The following CNIH3 variants were observed in gnomAD, a reference collection of about 807,000 sequenced individuals.
The protein encoded by CNIH3 is cornichon family AMPA receptor auxiliary protein 3.
CNIH3 carries 14 observed loss-of-function variants against 24.1 expected under a neutral mutation model. The ratio of observed to expected loss-of-function variants is 0.58; its 90% CI spans 0.38 to 0.91. The LOEUF (loss-of-function observed/expected upper bound fraction) is 0.91. Ranked by LOEUF, CNIH3 falls within the 40% of genes least tolerant of loss-of-function variation. CNIH3 has a pLI of 0.00. For synonymous variants in CNIH3, 68 were observed against 73.8 expected (o/e 0.92, Z 0.40); for missense variants, 178 against 196.8 (o/e 0.90, Z 0.57).
chr1:224,487,894 C>G (rs1330294597), intron 1 of CNIH3, among the ~76,000 whole-genome samples: 1 of 152,026 alleles, frequency 6.6e-6, no homozygotes, highest in African/African-American at 2.4e-5. Context: ...CTTTAAAAAC[C>G]CTTTCCTTCT....
chr1:224,660,328 C>G (rs563578878), intron 1 of CNIH3, among the ~76,000 whole-genome samples: 1 of 152,218 alleles, frequency 6.6e-6, no homozygotes, highest in South Asian at 2.1e-4. Context: ...TGATGGAAAT[C>G]ACCCCCATAA....
At chr1:224,502,146 G>A (rs1465134415) in intron 1 of CNIH3, among the ~76,000 whole-genome samples, 4 of 152,208 alleles carry the variant, frequency 2.6e-5, no homozygotes, top group South Asian at 2.1e-4. Context: ...TACGGCTCCC[G>A]GAGAGTGAAG....
chr1:224,658,442 C>T (rs971604414), intron 1 of CNIH3, among the ~76,000 whole-genome samples: 17 of 152,046 alleles, frequency 1.1e-4, no homozygotes, highest in Non-Finnish European at 2.4e-4. Context: ...GCTGGAATTA[C>T]AGGCGTGAGC....
At chr1:224,463,142 C>T (rs528021144) in intron 1 of CNIH3, among the ~76,000 whole-genome samples, 17 of 152,124 alleles carry the variant, frequency 1.1e-4, no homozygotes, top group Admixed American at 4.6e-4. Flanking sequence ...GTGATCCACC[C>T]GCCTCGGCCT....
chr1:224,642,567 G>A (rs939143433), intron 1 of CNIH3, among the ~76,000 whole-genome samples: 34 of 152,176 alleles, frequency 2.2e-4, no homozygotes, highest in African/African-American at 7.5e-4. Flanking sequence ...ATTAGGAAGC[G>A]GAGGCACAGG....
chr1:224,538,889 A>G (rs1288873145), downstream of CNIH3, among the ~76,000 whole-genome samples: 1 of 142,778 alleles, frequency 7.0e-6, no homozygotes, highest in Non-Finnish European at 1.5e-5. Flanking sequence ...GCTGGTCTCG[A>G]ACTCCTGGTC....
rs547939876 is a variant in CNIH3, at chr1:224,603,898, G to T, written n.402+37634G>T. ...TTAATACGTGTATCCACAGTTGGTT[G>T]TCTCTTTATTCTAAGAGTTCATTTT... is the stretch of plus-strand genomic sequence containing the variant. On this transcript the variant is annotated intron_variant and non_coding_transcript_variant, in intron 3 of 7. Transcript: ENST00000478120. Among the ~76,000 whole-genome samples, 9 of 152,240 alleles carry T rather than the reference G, an allele frequency of 5.9e-5. No individual in the cohort carries two copies. The South Asian group carries it at 1.9e-3, about 32-fold the overall frequency.
At chr1:224,640,744 A>T (rs1037902553) in intron 1 of CNIH3, among the ~76,000 whole-genome samples, 11 of 152,062 alleles carry the variant, frequency 7.2e-5, no homozygotes, top group Non-Finnish European at 4.4e-5. Context: ...CCAAACCCAG[A>T]GATAAGATGT....
chr1:224,698,313 T>C (rs1687285686), intron 3 of CNIH3, among the ~76,000 whole-genome samples: 1 of 152,210 alleles, frequency 6.6e-6, no homozygotes, highest in South Asian at 2.1e-4. Flanking sequence ...AATGATGAGA[T>C]TCTGGAGGAC....
chr1:224,462,411 G>A (rs907795747), intron 1 of CNIH3, among the ~76,000 whole-genome samples: 2 of 152,106 alleles, frequency 1.3e-5, no homozygotes, highest in Non-Finnish European at 1.5e-5. Context: ...TTGGGTCACC[G>A]CAACTTCTGC....
At chr1:224,510,861 C>A (rs1418626121) in intron 1 of CNIH3, among the ~76,000 whole-genome samples, 3 of 152,260 alleles carry the variant, frequency 2.0e-5, no homozygotes, top group Admixed American at 2.0e-4. Flanking sequence ...AACAGGTTGT[C>A]CCCTTCCTCC....
intron 3 of CNIH3, among the ~76,000 whole-genome samples, chr1:224,711,760 A>G (rs947969931): frequency 7.6e-6 from 1 of 131,108 alleles, no homozygotes; most frequent in Non-Finnish European, 1.5e-5. Context: ...ATGCCACTGC[A>G]CTCCAGCTTG....
chr1:224,459,329 A>G (rs952666515), intron 1 of CNIH3: 2 of 547,676 alleles, frequency 3.7e-6, no homozygotes, highest in Non-Finnish European at 4.7e-6. Context: ...GGTCTTTAAC[A>G]AAGTGATGAA....
intron 3 of CNIH3, among the ~76,000 whole-genome samples, chr1:224,598,714 C>A (rs933019866): frequency 1.3e-5 from 2 of 152,192 alleles, no homozygotes; most frequent in South Asian, 4.1e-4. Flanking sequence ...AAGATTAAGA[C>A]TTGCTGAAGG....
intron 1 of CNIH3, among the ~76,000 whole-genome samples, chr1:224,491,736 G>A (rs1333533020): frequency 1.3e-5 from 2 of 152,012 alleles, no homozygotes; most frequent in African/African-American, 4.8e-5. Flanking sequence ...CTCCCAAGTA[G>A]CAGGGAACTA....
chr1:224,714,003 T>G (rs1421846000), intron 3 of CNIH3, among the ~76,000 whole-genome samples: 1 of 152,078 alleles, frequency 6.6e-6, no homozygotes, highest in Non-Finnish European at 1.5e-5. Context: ...TTTGTAGAGA[T>G]GGGATTTCAC....
intron 5 of CNIH3, among the ~76,000 whole-genome samples, chr1:224,737,212 C>T (rs1180711599): frequency 9.2e-6 from 1 of 108,436 alleles, no homozygotes; most frequent in African/African-American, 3.6e-5. Context: ...GCGTGCTCCG[C>T]TGCGGGGGTG....
chr1:224,666,570 G>C (rs1417984016), intron 1 of CNIH3, among the ~76,000 whole-genome samples: 1 of 152,160 alleles, frequency 6.6e-6, no homozygotes, highest in Non-Finnish European at 1.5e-5. Context: ...GGAGCCCATG[G>C]AGGTTTTTAC....
chr1:224,567,553 C>G (rs886395219), intron 4 of CNIH3, among the ~76,000 whole-genome samples: 2 of 152,164 alleles, frequency 1.3e-5, no homozygotes, highest in Admixed American at 1.3e-4. Flanking sequence ...TAGGTTGGTG[C>G]AAAAGCAATT....
Sources: gnomAD v4.1 joint callset for allele counts (sites outside exome capture counted in the v4.1 genomes callset) on GRCh38, gnomAD v4.1.1 for gene constraint, MANE v1.5 for transcripts, NCBI Gene and HGNC (gene_info 2026-07-23, HGNC 2026-07-21) for gene names.